Variants in MAPK6 observed in about 807,000 individuals in gnomAD.
The protein encoded by MAPK6 is mitogen-activated protein kinase 6.
A neutral mutation model predicts 59.3 loss-of-function variants in MAPK6; 19 were observed. The ratio of observed to expected loss-of-function variants is 0.32; its 90% confidence interval spans 0.22 to 0.47. MAPK6 has a LOEUF of 0.47. Among genes scored for constraint, MAPK6 ranks in the 20% least tolerant of loss-of-function variants. The pLI is 1.00. For missense variants in MAPK6, 724 were observed against 847.9 expected, an observed-to-expected ratio of 0.85 and a Z score of 1.81; for synonymous variants, 316 against 290.3, an observed-to-expected ratio of 1.09 and a Z score of -0.90.
intron 3 of MAPK6, chr15:52,011,216 A>G (rs2030047662): frequency 6.6e-6 from 1 of 152,052 alleles, no homozygotes; most frequent in South Asian, 2.1e-4. Context: ...TCCATGGTCT[A>G]TTTGGTGCCA....
intron 3 of MAPK6, among the ~76,000 whole-genome samples, chr15:52,052,069 A>G (rs893487328): frequency 5.9e-5 from 9 of 152,198 alleles, no homozygotes; most frequent in Non-Finnish European, 1.0e-4. Context: ...AATTACTCCA[A>G]AACTTAGTAG....
intron 3 of MAPK6, chr15:52,056,582 G>A (rs933210207): frequency 5.9e-5 from 9 of 151,864 alleles, no homozygotes; most frequent in African/African-American, 2.2e-4. Flanking sequence ...TCAATTCTAA[G>A]TCCTCATTTT....
chr15:52,064,647 T>A lies in MAPK6; in HGVS notation c.1813T>A (p.Phe605Ile). Residue 605 changes from phenylalanine (F) to isoleucine (I), a missense_variant, in exon 6 of 6, where the codon TTT becomes ATT. Around this residue, in one of 4 missense-constraint regions of MAPK6, gnomAD observed 502 missense variants for 507.6 expected, o/e 0.99. Coordinates refer to ENST00000261845, the MANE Select transcript of MAPK6 (RefSeq NM_002748.4). The part of the protein sequence containing the change: ...SQFVSGGEDC[F>I]FINQFCEVRK... ...GTTTGTGAGTGGTGGGGAGGACTGT[T>A]TTTTCATAAATCAGTTTTGTGAGGT... The A allele has an allele frequency of 6.2e-7, 1 of 1,611,802 alleles. No homozygotes were observed. Among genetic ancestry groups the A allele is most frequent in the Non-Finnish European group, 8.5e-7 (1 of 1,179,756 alleles).
At chr15:52,008,659 T>C (rs1292981110) in intron 3 of MAPK6, among the ~76,000 whole-genome samples, 1 of 152,216 alleles carries the variant, frequency 6.6e-6, no homozygotes, top group East Asian at 1.9e-4. Flanking sequence ...AATGTCAAGA[T>C]GGTCATAGCA....
At chr15:52,054,848 T>G (rs1186686576) in intron 3 of MAPK6, among the ~76,000 whole-genome samples, 1 of 152,012 alleles carries the variant, frequency 6.6e-6, no homozygotes, top group East Asian at 1.9e-4. Context: ...CGTACAATGG[T>G]GCGATCTTGG....
chr15:52,063,932 T>C lies in MAPK6; in HGVS notation c.1098T>C (p.Asp366=), dbSNP rs758817453. 3.8e-6 allele frequency: 6 copies of C among 1,565,000 alleles called. No homozygotes were observed. Among genetic ancestry groups the C allele is most frequent in the Middle Eastern group, 1.7e-4 (1 of 5,838 alleles). ...ATGATTGTCAGTTTTCAGAGCATGA[T>C]TGGCCTGTACATAACAACTTTGATA... The part of the protein sequence containing the change: ...RYHDCQFSEH[D]WPVHNNFDID... Residue 366 remains aspartate, a synonymous_variant, in exon 6 of 6, where the codon GAT becomes GAC. Transcript: ENST00000261845.
intron 3 of MAPK6, among the ~76,000 whole-genome samples, chr15:52,055,339 C>G (rs2031935294): frequency 6.6e-6 from 1 of 152,154 alleles, no homozygotes; most frequent in Non-Finnish European, 1.5e-5. Context: ...CCCGGCAGGT[C>G]AAGGCTACAG....
intron 1 of MAPK6, among the ~76,000 whole-genome samples, chr15:52,028,883 C>T (rs2030917088): frequency 1.3e-5 from 2 of 152,246 alleles, no homozygotes; most frequent in African/African-American, 4.8e-5. Context: ...CTACTCTAGT[C>T]AAGGTTGCCA....
intron 1 of MAPK6, among the ~76,000 whole-genome samples, chr15:51,975,942 A>C (rs1757462884): frequency 6.6e-6 from 1 of 151,884 alleles, no homozygotes; most frequent in Non-Finnish European, 1.5e-5. Context: ...TAGGGATATA[A>C]AAATAATGAC....
intron 1 of MAPK6, among the ~76,000 whole-genome samples, chr15:51,974,239 G>T (rs948667855): frequency 6.6e-6 from 1 of 151,754 alleles, no homozygotes; most frequent in African/African-American, 2.4e-5. Flanking sequence ...TGGAATTACA[G>T]GTGTAAGCCA....
At chr15:51,993,947 T>TTTTATTTA (rs147415900) in intron 2 of MAPK6, among the ~76,000 whole-genome samples, 3 of 151,682 alleles carry the variant, frequency 2.0e-5, no homozygotes, top group African/African-American at 2.4e-5. Context: ...CTCGGTTTCT[T>TTTTATTTA]TTTATTTATT....
At chr15:52,000,066 T>C (rs1366414370) in intron 2 of MAPK6, among the ~76,000 whole-genome samples, 1 of 152,078 alleles carries the variant, frequency 6.6e-6, no homozygotes, top group Non-Finnish European at 1.5e-5. Flanking sequence ...ACCTCCCCTG[T>C]AGCTGAGACC....
At chr15:52,051,235 T>C (rs958030725) in intron 3 of MAPK6, among the ~76,000 whole-genome samples, 6 of 152,046 alleles carry the variant, frequency 3.9e-5, no homozygotes, top group Non-Finnish European at 8.8e-5. Flanking sequence ...TTTTTTGTAT[T>C]TTTAGTGGAG....
chr15:52,026,179 C>A (rs372198509), intron 1 of MAPK6, among the ~76,000 whole-genome samples: 5 of 152,316 alleles, frequency 3.3e-5, no homozygotes, highest in African/African-American at 1.2e-4. Flanking sequence ...TGCCTCTGGC[C>A]TAGTCCCTCT....
In MAPK6 at chr15:52,058,614, G is replaced by C; in HGVS notation, c.701-19G>C. 1 of 1,564,358 alleles carries C rather than the reference G, an allele frequency of 6.4e-7. No individual in the cohort carries two copies. Among genetic ancestry groups the C allele is most frequent in the Non-Finnish European group, 8.7e-7 (1 of 1,154,966 alleles). ...TAAACATTGAGGAATGTGTTTTTTT[G>C]TTTGTTTTTTAACCTCAGGTGCACA... On this transcript the variant is annotated intron_variant, in intron 3 of 5. Coordinates refer to ENST00000261845, the MANE Select transcript of MAPK6 (RefSeq NM_002748.4).
At chr15:52,058,084 C>G (rs2141117894) in intron 3 of MAPK6, among the ~76,000 whole-genome samples, 1 of 152,314 alleles carries the variant, frequency 6.6e-6, no homozygotes, top group South Asian at 2.1e-4. Context: ...GTCATCCATG[C>G]TGGAGTACAG....
intron 2 of MAPK6, among the ~76,000 whole-genome samples, chr15:51,987,470 T>G (rs1239550803): frequency 3.3e-5 from 5 of 152,032 alleles, no homozygotes; most frequent in Non-Finnish European, 7.4e-5. Context: ...CCGGGCATGG[T>G]GGCGTGCACC....
chr15:52,052,050 G>A (rs1053476723), intron 3 of MAPK6, among the ~76,000 whole-genome samples: 14 of 152,098 alleles, frequency 9.2e-5, no homozygotes, highest in Admixed American at 5.2e-4. Flanking sequence ...TGTTTGTTGC[G>A]GTGTGACAAA....
At chr15:52,024,571 TTG>T (rs1323457634) in intron 1 of MAPK6, 1 of 152,172 alleles carries the variant, frequency 6.6e-6, no homozygotes, top group African/African-American at 2.4e-5. Flanking sequence ...GGCTAATTTT[TTG>T]TGTTTTTAGT....
Sources: allele counts gnomAD v4.1 joint callset (sites outside exome capture counted in the v4.1 genomes callset), GRCh38; gene constraint gnomAD v4.1.1; regional missense constraint gnomAD v4.1.1; transcripts MANE v1.5; gene names NCBI Gene and HGNC (gene_info 2026-07-23, HGNC 2026-07-21).